Variants in ZNF251 observed in about 807,000 individuals in gnomAD.
ZNF251 encodes the protein zinc finger protein 251.
ZNF251 carries 14 observed loss-of-function variants against 13.5 expected under a neutral mutation model. The observed-to-expected ratio is 1.04, with a 90% CI of 0.69 to 1.63. The LOEUF (loss-of-function observed/expected upper bound fraction) is 1.63, where lower values mean the gene tolerates loss of function less well. Among genes scored for constraint, ZNF251 ranks in the 40% most tolerant of loss-of-function variants. The pLI is 0.00. For synonymous variants in ZNF251, 287 were observed against 295.2 expected (o/e 0.97, Z 0.28); for missense variants, 764 against 834.9 (o/e 0.92, Z 1.05).
At chr8:144,750,350 G>A (rs183575456) in intron 4 of ZNF251, among the ~76,000 whole-genome samples, 88 of 152,294 alleles carry the variant, frequency 5.8e-4, no homozygotes, top group Middle Eastern at 3.4e-3. Flanking sequence ...CAGTCTTGCT[G>A]AGCTTGTGTC....
intron 4 of ZNF251, among the ~76,000 whole-genome samples, chr8:144,741,004 C>T (rs1307513159): frequency 6.6e-6 from 1 of 152,178 alleles, no homozygotes; most frequent in Non-Finnish European, 1.5e-5. Flanking sequence ...AATAAAACTG[C>T]ATTTTCAAGG....
At chr8:144,726,226 A>C (rs1367440637) in intron 4 of ZNF251, among the ~76,000 whole-genome samples, 2 of 148,338 alleles carry the variant, frequency 1.3e-5, no homozygotes, top group African/African-American at 5.0e-5. Context: ...AAAAGAATGC[A>C]AAGTTAGTAT....
intron 4 of ZNF251, among the ~76,000 whole-genome samples, chr8:144,725,770 C>T (rs114132150): frequency 0.026 from 3,978 of 152,150 alleles, 166 homozygotes; most frequent in African/African-American, 0.091. Flanking sequence ...GACAACAGTA[C>T]GAGAAAACAA....
rs756744977 is a variant in ZNF251 at position 144,722,048 on chromosome 8, G to T, written c.1612C>A (p.Pro538Thr). ...GSSLTADGQI[P>T]TGEKHGRAFN... ...GCTCTGCCGTGCTTCTCTCCAGTGGGAATCTGTCCATCTGCTGTGAGGCTG... is the reference window on the plus strand; with the variant it reads ...GCTCTGCCGTGCTTCTCTCCAGTGGTAATCTGTCCATCTGCTGTGAGGCTG... The change falls in exon 5 of 5, where the codon CCC becomes ACC. Residue 538 changes from proline (P) to threonine (T), a missense_variant. Transcript: ENST00000292562. This position sits in a 1 kb window ranked among gnomAD's most constrained non-coding sequence, Gnocchi z 4.8. The T allele has an allele frequency of 6.2e-7, 1 of 1,613,378 alleles. No homozygotes were observed. Among genetic ancestry groups the T allele is most frequent in the Non-Finnish European group, 8.5e-7 (1 of 1,179,588 alleles).
chr8:144,749,741 G>A (rs111815854), intron 4 of ZNF251, among the ~76,000 whole-genome samples: 3 of 152,096 alleles, frequency 2.0e-5, no homozygotes, highest in African/African-American at 7.2e-5. Context: ...GCTAATACAA[G>A]TCCACTTTCA....
In ZNF251 at chr8:144,721,561, A is replaced by G. The variant is rs552255883; in HGVS notation, c.*83T>C. 1.7e-3 allele frequency: 2,075 copies of G among 1,235,132 alleles called. 3 individuals carry two copies. The highest frequency in any genetic ancestry group is 2.2e-3 in the Admixed American group (60 of 26,712). The allele number at this position is 1,235,132 out of a possible 1,614,324, so 76.5% of individuals were successfully genotyped here. A position where few individuals can be genotyped will look rare whatever the true frequency, so the allele number is the denominator to read the frequency against. On this transcript the variant is annotated 3_prime_UTR_variant, in exon 5 of 5. Transcript: ENST00000292562. ...TTATTTTACTTTGCCAGTAATATTT[A>G]GACCTTATATATCTTTCATTATGCC...
At chr8:144,732,826 A>G (rs1563759173) in intron 4 of ZNF251, among the ~76,000 whole-genome samples, 1 of 149,494 alleles carries the variant, frequency 6.7e-6, no homozygotes, top group South Asian at 2.1e-4. Context: ...AAAAAAAAAA[A>G]AAAATACATT....
intron 4 of ZNF251, among the ~76,000 whole-genome samples, chr8:144,749,493 A>G (rs1416090940): frequency 6.6e-6 from 1 of 151,750 alleles, no homozygotes; most frequent in Non-Finnish European, 1.5e-5. Flanking sequence ...CAAAAAAATA[A>G]AAAAAAAATT....
At chr8:144,742,286 C>A (rs148347335) in intron 4 of ZNF251, among the ~76,000 whole-genome samples, 2 of 151,830 alleles carry the variant, frequency 1.3e-5, no homozygotes, top group Non-Finnish European at 2.9e-5. Flanking sequence ...ACTCGCACCA[C>A]GAGAAATGCA....
chr8:144,724,309 G>A (rs1309894789), intron 4 of ZNF251, among the ~76,000 whole-genome samples: 2 of 149,278 alleles, frequency 1.3e-5, no homozygotes, highest in South Asian at 2.1e-4. Context: ...CAATCATGCC[G>A]TGTACTGTTG....
At chr8:144,738,497 C>T (rs1355318349) in intron 4 of ZNF251, 17 of 956,434 alleles carry the variant, frequency 1.8e-5, no homozygotes, top group Non-Finnish European at 2.1e-5. Context: ...GCTGACCTGA[C>T]ACACAGGGTC....
At chr8:144,741,382 T>A (rs1209678725) in intron 4 of ZNF251, among the ~76,000 whole-genome samples, 1 of 151,380 alleles carries the variant, frequency 6.6e-6, no homozygotes, top group East Asian at 1.9e-4. Context: ...TCACACACAC[T>A]CACATGCGTA....
In ZNF251 at chr8:144,755,452, C is replaced by T; in HGVS notation, c.-123G>A. The T allele has an allele frequency of 7.8e-7, 1 of 1,287,860 alleles. No individual in the cohort carries two copies. Among genetic ancestry groups the T allele is most frequent in the Non-Finnish European group, 1.0e-6 (1 of 988,790 alleles). 79.8% of individuals were successfully genotyped at this position (1,287,860 alleles called of 1,614,324 possible). On this transcript the variant is annotated 5_prime_UTR_variant, in exon 1 of 5. Transcript: ENST00000292562. ...CCACCGAGGAAGCGCCGAGGAGCTGCGCAGTCGCACCGAGCCCGGAACGGA... is the reference window on the plus strand; with the variant it reads ...CCACCGAGGAAGCGCCGAGGAGCTGTGCAGTCGCACCGAGCCCGGAACGGA...
intron 1 of ZNF251, 73 bp downstream of exon 1, chr8:144,755,332 C>A (rs915664561): frequency 1.6e-6 from 2 of 1,254,682 alleles, no homozygotes; most frequent in African/African-American, 3.1e-5. Flanking sequence ...GCCGCCGCCT[C>A]CCCGCGCCCT....
rs756232740 is a variant in ZNF251, at chr8:144,721,600, A to G, written c.*44T>C. On this transcript the variant is annotated 3_prime_UTR_variant, in exon 5 of 5. Transcript: ENST00000292562. ...TTTCATTATGCCATCTTATCTTCTA[A>G]TGTCAAGTGAACAGTTGCTAAACTG... is the stretch of plus-strand genomic sequence containing the variant. The G allele has an allele frequency of 1.5e-6, 2 of 1,309,352 alleles. No individual in the cohort carries two copies. The highest frequency in any genetic ancestry group is 3.2e-5 in the South Asian group (1 of 31,388). The allele number at this position is 1,309,352 out of a possible 1,614,324, so 81.1% of individuals were successfully genotyped here.
intron 2 of ZNF251, 96 bp from the exon 3 acceptor site, chr8:144,754,417 C>A (rs994525047): frequency 3.1e-5 from 45 of 1,466,284 alleles, no homozygotes; most frequent in Non-Finnish European, 3.8e-5. Context: ...TACCCAGGGC[C>A]CTGCTGTGGT....
intron 4 of ZNF251, among the ~76,000 whole-genome samples, chr8:144,749,964 C>T (rs956424092): frequency 5.3e-5 from 8 of 150,274 alleles, no homozygotes; most frequent in Non-Finnish European, 1.0e-4. Flanking sequence ...AGCAATCCTG[C>T]TACACTATGA....
intron 4 of ZNF251, among the ~76,000 whole-genome samples, chr8:144,739,973 G>A (rs1242085914): frequency 1.3e-5 from 2 of 151,926 alleles, no homozygotes; most frequent in Non-Finnish European, 2.9e-5. Context: ...TCTTCTTCAG[G>A]AAACCACAAA....
chr8:144,721,758 A>C lies in ZNF251; in HGVS notation c.1902T>G (p.Ser634Arg), dbSNP rs748307526. ...TCTGCTGAGGTGGTGTGAGCTGTGAACTCTGGCTGAAGGCTTTCCCATACA... is the reference window on the plus strand; with the variant it reads ...TCTGCTGAGGTGGTGTGAGCTGTGACCTCTGGCTGAAGGCTTTCCCATACA... ...CSVYGKAFSQSSQLTPPQQTR... is the reference protein window; with the variant it reads ...CSVYGKAFSQRSQLTPPQQTR... The change falls in exon 5 of 5, where the codon AGT becomes AGG. Residue 634 changes from serine (S) to arginine (R), a missense_variant. Ser to Arg is a moderately radical substitution (Grantham distance 110). Coordinates refer to ENST00000292562, the MANE Select transcript of ZNF251 (RefSeq NM_138367.2). 2.4e-5 allele frequency: 34 copies of C among 1,443,032 alleles called. No individual in the cohort carries two copies. In the South Asian group the frequency reaches 5.7e-4, roughly 24 times the overall value. 89.4% of individuals were successfully genotyped at this position (1,443,032 alleles called of 1,614,324 possible).
Sources: allele counts gnomAD v4.1 joint callset (sites outside exome capture counted in the v4.1 genomes callset), GRCh38; gene constraint gnomAD v4.1.1; non-coding constraint Gnocchi (gnomAD v3.1); transcripts MANE v1.5; gene names NCBI Gene and HGNC (gene_info 2026-07-23, HGNC 2026-07-21).